GALNTL6: variants seen among roughly 807,000 people sequenced by gnomAD.
The protein encoded by GALNTL6 is polypeptide N-acetylgalactosaminyltransferase like 6, also known as polypeptide N-acetylgalactosaminyltransferase-like 6.
GALNTL6 carries 46 observed loss-of-function variants against 73.7 expected under a neutral mutation model. The observed-to-expected ratio is 0.62, with a 90% CI of 0.49 to 0.80. GALNTL6 has a LOEUF of 0.80. GALNTL6 is among the 30% of genes least tolerant of loss of function. The pLI is 0.00. For missense variants in GALNTL6, 604 were observed against 755.0 expected (o/e 0.80, Z 2.34); for synonymous variants, 259 against 263.7 (o/e 0.98, Z 0.17).
At chr4:172,971,805 G>A (rs895086353) in intron 10 of GALNTL6, among the ~76,000 whole-genome samples, 1 of 151,940 alleles carries the variant, frequency 6.6e-6, no homozygotes, top group Non-Finnish European at 1.5e-5. Flanking sequence ...CAGGCCATAT[G>A]GGAAAAGACC....
chr4:172,365,381 T>G (rs145424993), intron 5 of GALNTL6, among the ~76,000 whole-genome samples: 1 of 152,238 alleles, frequency 6.6e-6, no homozygotes, highest in Non-Finnish European at 1.5e-5. Context: ...TGGTTCATGG[T>G]CATGCTGACA....
chr4:172,319,625 T>C (rs897248976), intron 4 of GALNTL6, among the ~76,000 whole-genome samples: 4 of 152,196 alleles, frequency 2.6e-5, no homozygotes, highest in Non-Finnish European at 4.4e-5. Context: ...TCCTGGTAAG[T>C]ATTTTTCAAT....
intron 2 of GALNTL6, among the ~76,000 whole-genome samples, chr4:172,207,657 G>C (rs1192181351): frequency 6.6e-6 from 1 of 152,114 alleles, no homozygotes; most frequent in East Asian, 1.9e-4. Context: ...CCAGACTACT[G>C]ACATATAAAC....
At chr4:172,705,379 T>C (rs971423008) in intron 5 of GALNTL6, among the ~76,000 whole-genome samples, 3 of 151,900 alleles carry the variant, frequency 2.0e-5, no homozygotes, top group African/African-American at 7.2e-5. Context: ...ATAAAACATT[T>C]ATGTTTTTAA....
At chr4:172,219,863 G>C (rs1011726174) in intron 2 of GALNTL6, among the ~76,000 whole-genome samples, 1 of 151,934 alleles carries the variant, frequency 6.6e-6, no homozygotes, top group Non-Finnish European at 1.5e-5. Flanking sequence ...ATATTTAAAA[G>C]TATTGGCACT....
intron 2 of GALNTL6, among the ~76,000 whole-genome samples, chr4:171,852,768 A>G (rs902439954): frequency 2.7e-5 from 4 of 149,664 alleles, no homozygotes; most frequent in African/African-American, 9.8e-5. Context: ...TCATTTACCT[A>G]TTAGCTTATG....
chr4:171,934,476 T>C (rs1738282417), intron 2 of GALNTL6, among the ~76,000 whole-genome samples: 1 of 152,174 alleles, frequency 6.6e-6, no homozygotes, highest in African/African-American at 2.4e-5. Context: ...TGCAGTGGTA[T>C]GATCATGGCT....
At chr4:172,329,609 G>C (rs1455922598) in intron 4 of GALNTL6, among the ~76,000 whole-genome samples, 1 of 152,182 alleles carries the variant, frequency 6.6e-6, no homozygotes, top group African/African-American at 2.4e-5. Context: ...CAGTGAGGAG[G>C]AACAAGATGT....
intron 5 of GALNTL6, among the ~76,000 whole-genome samples, chr4:172,511,601 C>G (rs112529299): frequency 0.025 from 1,349 of 54,790 alleles, 525 homozygotes; most frequent in East Asian, 0.18. Context: ...CATAGCATGA[C>G]TTTTGCTGTA....
chr4:172,512,868 G>T (rs530261325), intron 5 of GALNTL6, among the ~76,000 whole-genome samples: 1 of 152,206 alleles, frequency 6.6e-6, no homozygotes, highest in Non-Finnish European at 1.5e-5. Context: ...CCTCACAGCT[G>T]TTAAGATTCT....
At chr4:172,098,547 G>A (rs936174427) in intron 2 of GALNTL6, among the ~76,000 whole-genome samples, 1 of 152,110 alleles carries the variant, frequency 6.6e-6, no homozygotes, top group Non-Finnish European at 1.5e-5. Flanking sequence ...TTGTTGGGTT[G>A]TTTCATTATG....
intron 5 of GALNTL6, among the ~76,000 whole-genome samples, chr4:172,478,733 T>A (rs891296730): frequency 3.9e-5 from 6 of 152,076 alleles, no homozygotes; most frequent in African/African-American, 1.4e-4. Context: ...CAGAGTGAGA[T>A]AAAATATTTA....
intron 3 of GALNTL6, among the ~76,000 whole-genome samples, chr4:172,292,273 A>AT (rs1166827211): frequency 3.3e-5 from 5 of 152,012 alleles, no homozygotes; most frequent in South Asian, 2.1e-4. Context: ...AAATTATAGC[A>AT]TAAAAAAAAA....
intron 5 of GALNTL6, among the ~76,000 whole-genome samples, chr4:172,487,334 CTTT>C (rs1214239630): frequency 1.4e-4 from 18 of 125,104 alleles, no homozygotes; most frequent in Admixed American, 1.7e-4. Flanking sequence ...TTCTTTCTTT[CTTT>C]CTTTCTTTCT....
chr4:172,723,239 T>C (rs1735590549), intron 5 of GALNTL6, among the ~76,000 whole-genome samples: 1 of 152,180 alleles, frequency 6.6e-6, no homozygotes, highest in Admixed American at 6.5e-5. Context: ...TAAAGTAACA[T>C]ATTCACTGGT....
In GALNTL6 at chr4:172,375,017, C is replaced by T. The variant is rs116556007; in HGVS notation, c.553+26328C>T. 7.7e-3 allele frequency among the ~76,000 whole-genome samples: 1,177 copies of T among 152,188 alleles called. 4 individuals carry two copies. Among genetic ancestry groups the T allele is most frequent in the Middle Eastern group, 0.014 (4 of 294 alleles). On this transcript the variant is annotated intron_variant, in intron 5 of 12. Coordinates refer to ENST00000506823, the MANE Select transcript of GALNTL6 (RefSeq NM_001034845.3). ...CCCTATAGCTTGAAGAGGACATAACCGATAGCCTGGGGGGTTAGTGGTCCT... is the reference window on the plus strand; with the variant it reads ...CCCTATAGCTTGAAGAGGACATAACTGATAGCCTGGGGGGTTAGTGGTCCT...
chr4:172,603,945 C>A (rs1162297427), intron 5 of GALNTL6, among the ~76,000 whole-genome samples: 1 of 152,150 alleles, frequency 6.6e-6, no homozygotes, highest in Non-Finnish European at 1.5e-5. Flanking sequence ...CAGAAAGCAT[C>A]CCAAACTCAC....
chr4:171,864,548 A>C (rs572029414), intron 2 of GALNTL6, among the ~76,000 whole-genome samples: 93 of 152,348 alleles, frequency 6.1e-4, no homozygotes, highest in African/African-American at 1.9e-3. Context: ...CTTTCCTGAT[A>C]GTCATACCAC....
At chr4:172,517,856 A>C (rs1051424045) in intron 5 of GALNTL6, among the ~76,000 whole-genome samples, 1 of 152,140 alleles carries the variant, frequency 6.6e-6, no homozygotes, top group Non-Finnish European at 1.5e-5. Context: ...AAAGAGCATG[A>C]AAAAATTAAA....
Sources: gnomAD v4.1 joint callset for allele counts (sites outside exome capture counted in the v4.1 genomes callset) on GRCh38, gnomAD v4.1.1 for gene constraint, MANE v1.5 for transcripts, NCBI Gene and HGNC (gene_info 2026-07-23, HGNC 2026-07-21) for gene names.